The following CLIC4 variants were observed in gnomAD, a reference collection of about 807,000 sequenced individuals.
CLIC4 encodes the protein CLIC family member 4, also known as chloride intracellular channel protein 4.
A neutral mutation model predicts 24.6 loss-of-function variants in CLIC4; 13 were observed. The observed-to-expected ratio is 0.53, with a 90% CI of 0.34 to 0.84. The LOEUF is 0.84. CLIC4 is among the 40% of genes least tolerant of loss of function. CLIC4 has a pLI of 0.01. For missense variants in CLIC4, 227 were observed against 301.7 expected (o/e 0.75, Z 1.83); for synonymous variants, 104 against 111.3 (o/e 0.93, Z 0.41).
intron 1 of CLIC4, among the ~76,000 whole-genome samples, chr1:24,747,627 A>AT (rs1324499625): frequency 1.3e-5 from 2 of 152,026 alleles, no homozygotes; most frequent in African/African-American, 4.8e-5. Context: ...GTTAAAAAAA[A>AT]TTTTTACTGA....
chr1:24,797,743 C>T lies in CLIC4; in HGVS notation c.74C>T (p.Ala25Val). The T allele has an allele frequency of 6.2e-7, 1 of 1,604,360 alleles. No individual in the cohort carries two copies. Among genetic ancestry groups the T allele is most frequent in the Non-Finnish European group, 8.5e-7 (1 of 1,175,282 alleles). Residue 25 changes from alanine (A) to valine (V), a missense_variant and splice_region_variant, in exon 2 of 6, where the codon GCT becomes GTT. By Grantham distance (64) the Ala-to-Val change is moderately conservative (BLOSUM62 0). Transcript: ENST00000374379. Reference protein sequence around the residue: ...KEPLIELFVKAGSDGESIGNC... With the variant: ...KEPLIELFVKVGSDGESIGNC... ...TTAATGTTTAATTCTGTTTTCCAGG[C>T]TGGCAGTGATGGTGAAAGCATAGGA...
chr1:24,759,686 C>G (rs907112741), intron 1 of CLIC4, among the ~76,000 whole-genome samples: 1 of 152,144 alleles, frequency 6.6e-6, no homozygotes, highest in Non-Finnish European at 1.5e-5. Flanking sequence ...TGGTGACTCA[C>G]GCCTGTACTC....
At chr1:24,774,848 A>C (rs148474627) in intron 1 of CLIC4, among the ~76,000 whole-genome samples, 6 of 152,170 alleles carry the variant, frequency 3.9e-5, no homozygotes, top group Non-Finnish European at 8.8e-5. Flanking sequence ...AGGTGGGTGG[A>C]TCACCTGAGG....
At chr1:24,792,731 G>A (rs1571245822) in intron 1 of CLIC4, among the ~76,000 whole-genome samples, 2 of 152,294 alleles carry the variant, frequency 1.3e-5, no homozygotes, top group Non-Finnish European at 2.9e-5. Flanking sequence ...CGTATGAGAT[G>A]TGTAACGAGC....
intron 1 of CLIC4, among the ~76,000 whole-genome samples, chr1:24,785,608 CT>C: frequency 6.6e-6 from 1 of 152,196 alleles, no homozygotes; most frequent in South Asian, 2.1e-4. Context: ...AGTCCCAGCA[CT>C]TTGGGAGGCC....
intron 1 of CLIC4, among the ~76,000 whole-genome samples, chr1:24,770,923 G>A (rs1639063291): frequency 2.0e-5 from 3 of 152,118 alleles, no homozygotes; most frequent in Non-Finnish European, 4.4e-5. Flanking sequence ...CTGATTGGCT[G>A]GTTAGAGAGA....
At chr1:24,780,529 C>T (rs1639190020) in intron 1 of CLIC4, among the ~76,000 whole-genome samples, 1 of 152,222 alleles carries the variant, frequency 6.6e-6, no homozygotes. Flanking sequence ...TGGCTGTTTC[C>T]TTCTCATTCT....
At chr1:24,780,287 A>G (rs1240001868) in intron 1 of CLIC4, among the ~76,000 whole-genome samples, 1 of 152,242 alleles carries the variant, frequency 6.6e-6, no homozygotes, top group South Asian at 2.1e-4. Flanking sequence ...AAGAATCAAT[A>G]TCTCAAACCA....
intron 1 of CLIC4, among the ~76,000 whole-genome samples, chr1:24,760,455 A>G (rs1449022463): frequency 6.6e-6 from 1 of 152,094 alleles, no homozygotes; most frequent in Non-Finnish European, 1.5e-5. Flanking sequence ...TTGATCTGGC[A>G]TTGATCTAAC....
intron 1 of CLIC4, among the ~76,000 whole-genome samples, chr1:24,751,207 CTTTTTTTTTTTT>C (rs563478354): frequency 1.8e-5 from 2 of 109,046 alleles, no homozygotes; most frequent in African/African-American, 6.7e-5. Flanking sequence ...TACTTCCAGT[CTTTTTTTTTTTT>C]TTTTTTTTGA....
At chr1:24,796,340 C>T (rs1474404392) in intron 1 of CLIC4, among the ~76,000 whole-genome samples, 1 of 152,256 alleles carries the variant, frequency 6.6e-6, no homozygotes, top group East Asian at 1.9e-4. Context: ...AGGCGCGTAC[C>T]ACCACGTCCA....
intron 1 of CLIC4, among the ~76,000 whole-genome samples, chr1:24,775,752 G>A (rs1639132308): frequency 1.3e-5 from 2 of 149,700 alleles, no homozygotes; most frequent in Non-Finnish European, 3.0e-5. Context: ...TTTGAACATA[G>A]TTACCATAAC....
intron 1 of CLIC4, among the ~76,000 whole-genome samples, chr1:24,796,883 G>A (rs956243916): frequency 5.3e-5 from 8 of 151,954 alleles, no homozygotes; most frequent in East Asian, 1.9e-4. Context: ...ATGGATCATC[G>A]CCATCATGCA....
intron 3 of CLIC4, among the ~76,000 whole-genome samples, chr1:24,820,271 T>G (rs1196132781): frequency 2.4e-5 from 2 of 84,570 alleles, no homozygotes; most frequent in African/African-American, 8.6e-5. Context: ...TTTGGTCTTT[T>G]TTTTTTTTTT....
At position 24,842,571 on chromosome 1, in the gene CLIC4, T is replaced by C. The variant is rs751589829; in HGVS notation, c.*1634T>C. 1 of 152,200 alleles carries C rather than the reference T, an allele frequency of 6.6e-6. No individual in the cohort carries two copies. The highest frequency in any genetic ancestry group is 1.5e-5 in the Non-Finnish European group (1 of 68,018). 9.4% of individuals were successfully genotyped at this position (152,200 alleles called of 1,614,324 possible). A position where few individuals can be genotyped will look rare whatever the true frequency, so the allele number is the denominator to read the frequency against. ...ATAAGTATACTGCATTTTTTGAGCC[T>C]ATCATTAATTAGCTTAGTATGAAAG... On this transcript the variant is annotated 3_prime_UTR_variant, in exon 6 of 6. Transcript: ENST00000374379.
At chr1:24,790,695 G>T (rs1362907952) in intron 1 of CLIC4, among the ~76,000 whole-genome samples, 2 of 152,094 alleles carry the variant, frequency 1.3e-5, no homozygotes, top group African/African-American at 4.8e-5. Flanking sequence ...GGCCTCCTCT[G>T]ACCCCATCCC....
intron 3 of CLIC4, 37 bp from the exon 4 acceptor site, chr1:24,826,973 T>G: frequency 7.0e-7 from 1 of 1,433,160 alleles, no homozygotes; most frequent in Non-Finnish European, 9.6e-7. Context: ...AATTCATCTT[T>G]GAAGGATCTA....
intron 2 of CLIC4, among the ~76,000 whole-genome samples, chr1:24,813,139 A>G (rs1197503453): frequency 7.1e-6 from 1 of 140,058 alleles, no homozygotes; most frequent in Non-Finnish European, 1.5e-5. Context: ...TGCTTCCGGG[A>G]TTCAAGCGAT....
chr1:24,775,819 C>T (rs953327023), intron 1 of CLIC4, among the ~76,000 whole-genome samples: 3 of 148,638 alleles, frequency 2.0e-5, no homozygotes, highest in Admixed American at 6.7e-5. Flanking sequence ...GGGTAGTCTC[C>T]TTGATTACTT....
Sources: gnomAD v4.1 joint callset for allele counts (sites outside exome capture counted in the v4.1 genomes callset) on GRCh38, gnomAD v4.1.1 for gene constraint, MANE v1.5 for transcripts, NCBI Gene and HGNC (gene_info 2026-07-23, HGNC 2026-07-21) for gene names.